The following TNKS variants were observed in gnomAD, a reference collection of about 807,000 sequenced individuals.
TNKS encodes the protein poly [ADP-ribose] polymerase tankyrase-1.
Under a neutral mutation model 135.8 loss-of-function variants are expected in TNKS, and 72 were observed. The observed-to-expected ratio is 0.53, with a 90% confidence interval of 0.44 to 0.64. TNKS has a LOEUF of 0.64. TNKS is among the 30% of genes least tolerant of loss of function. The pLI is 0.00. For missense variants in TNKS, 1,769 were observed against 1,674.0 expected (o/e 1.06, Z -0.99); for synonymous variants, 849 against 649.3 (o/e 1.31, Z -4.68).
At chr8:9,679,926 A>G in intron 3 of TNKS, 25 bp from the exon 4 acceptor site, 1 of 1,602,068 alleles carries the variant, frequency 6.2e-7, no homozygotes, top group African/African-American at 1.3e-5. Context: ...AAATGCTAAC[A>G]GCATGATATT....
At chr8:9,772,827 G>C (rs865945960) in intron 26 of TNKS, among the ~76,000 whole-genome samples, 121 of 70,680 alleles carry the variant, frequency 1.7e-3, no homozygotes, top group African/African-American at 4.5e-3. Flanking sequence ...GTGTGTGTGT[G>C]TGTCTGTGTG....
Position 9,748,694 on chromosome 8 carries a change from T to G in TNKS, c.2832+482T>G, listed in dbSNP as rs149132592. Among the ~76,000 whole-genome samples, 54 of 152,364 alleles carry G rather than the reference T, an allele frequency of 3.5e-4. No homozygotes were observed. In the East Asian group the frequency reaches 8.7e-3, roughly 24 times the overall value. Reference sequence around the variant, plus strand: ...GTTACTGTATAGTCACAGTAATTTCTAATTTTTAAGCCAGAAATGTTTTTT... The same window carrying G: ...GTTACTGTATAGTCACAGTAATTTCGAATTTTTAAGCCAGAAATGTTTTTT... On this transcript the variant is annotated intron_variant, in intron 18 of 26. Coordinates refer to ENST00000310430, the MANE Select transcript of TNKS (RefSeq NM_003747.3).
intron 6 of TNKS, among the ~76,000 whole-genome samples, 200 bp from the exon 7 acceptor site, chr8:9,705,987 A>G (rs1439527650): frequency 6.6e-6 from 1 of 152,090 alleles, no homozygotes; most frequent in Admixed American, 6.6e-5. Flanking sequence ...CATTATCTTC[A>G]AGGATTATAT....
intron 3 of TNKS, among the ~76,000 whole-genome samples, chr8:9,664,314 G>A (rs1164749102): frequency 6.6e-6 from 1 of 152,068 alleles, no homozygotes; most frequent in Admixed American, 6.5e-5. Flanking sequence ...GAGGTGCCAG[G>A]CTGTTTTTCA....
At chr8:9,720,341 T>G (rs1804813445) in intron 11 of TNKS, 33 bp from the exon 12 acceptor site, 4 of 1,535,208 alleles carry the variant, frequency 2.6e-6, no homozygotes, top group South Asian at 2.5e-5. Context: ...AACAAGATGC[T>G]CAATTCCATG....
intron 3 of TNKS, among the ~76,000 whole-genome samples, chr8:9,660,319 A>G (rs554737538): frequency 7.2e-5 from 11 of 152,218 alleles, no homozygotes; most frequent in African/African-American, 1.2e-4. Context: ...CTTGATGAAC[A>G]TCGATGCAAA....
intron 1 of TNKS, among the ~76,000 whole-genome samples, chr8:9,562,618 T>A (rs1487067942): frequency 6.6e-6 from 1 of 152,194 alleles, no homozygotes; most frequent in Non-Finnish European, 1.5e-5. Flanking sequence ...ATTCTGACAA[T>A]CTGTGTCTTT....
intron 1 of TNKS, among the ~76,000 whole-genome samples, chr8:9,561,582 C>T (rs1797332693): frequency 6.6e-6 from 1 of 152,124 alleles, no homozygotes; most frequent in Non-Finnish European, 1.5e-5. Flanking sequence ...GAATATGCTG[C>T]AGTTTGTGTA....
chr8:9,682,241 A>G (rs1027179376), intron 5 of TNKS, among the ~76,000 whole-genome samples: 2 of 152,118 alleles, frequency 1.3e-5, no homozygotes, highest in African/African-American at 4.8e-5. Context: ...CGCCCGGCCT[A>G]CGTCACTTTT....
intron 25 of TNKS, 135 bp downstream of exon 25, chr8:9,766,560 C>T (rs569949175): frequency 1.3e-5 from 9 of 718,592 alleles, no homozygotes; most frequent in Admixed American, 1.1e-4. Flanking sequence ...GATCCTGGCT[C>T]ACGCAACCTC....
Position 9,720,508 on chromosome 8 carries a change from A to C in TNKS, c.1884A>C (p.Ala628=). The C allele has an allele frequency of 6.2e-7, 1 of 1,614,110 alleles. No homozygotes were observed. Among genetic ancestry groups the C allele is most frequent in the South Asian group, 1.1e-5 (1 of 91,070 alleles). Reference sequence around the variant, plus strand: ...TCTCCTTACAAGGCTTCACAGCAGCACAGATGGGCAATGAAGCAGTGCAGC... The same window carrying C: ...TCTCCTTACAAGGCTTCACAGCAGCCCAGATGGGCAATGAAGCAGTGCAGC... ...SIISLQGFTA[A]QMGNEAVQQI... The change falls in exon 12 of 27, where the codon GCA becomes GCC. Residue 628 remains alanine (A), a synonymous_variant. Coordinates refer to ENST00000310430, the MANE Select transcript of TNKS (RefSeq NM_003747.3).
chr8:9,722,700 T>G (rs1804951655), intron 12 of TNKS, among the ~76,000 whole-genome samples: 1 of 152,228 alleles, frequency 6.6e-6, no homozygotes, highest in Non-Finnish European at 1.5e-5. Context: ...TGATTTTTGT[T>G]AAAATTTCTA....
chr8:9,621,953 A>G (rs193025361), intron 3 of TNKS, among the ~76,000 whole-genome samples: 10 of 152,340 alleles, frequency 6.6e-5, no homozygotes, highest in Admixed American at 3.9e-4. Context: ...AAAAGGCGTT[A>G]CTGCTGAAAC....
intron 5 of TNKS, among the ~76,000 whole-genome samples, chr8:9,687,739 A>C (rs1215665396): frequency 2.0e-5 from 3 of 152,186 alleles, no homozygotes; most frequent in African/African-American, 4.8e-5. Context: ...CAGAAGCACA[A>C]GTTTCCTGCT....
chr8:9,673,029 A>C (rs1457787853), intron 3 of TNKS, among the ~76,000 whole-genome samples: 1 of 152,190 alleles, frequency 6.6e-6, no homozygotes, highest in Non-Finnish European at 1.5e-5. Context: ...TTACCTTTTA[A>C]TATCCAATTT....
At chr8:9,722,307 G>A (rs936963143) in intron 12 of TNKS, 1 of 152,090 alleles carries the variant, frequency 6.6e-6, no homozygotes, top group Non-Finnish European at 1.5e-5. Flanking sequence ...TGTGTATATT[G>A]TTATAGGAAG....
At chr8:9,747,855 C>G (rs554549478) in intron 17 of TNKS, among the ~76,000 whole-genome samples, 169 bp from the exon 18 acceptor site, 3 of 151,962 alleles carry the variant, frequency 2.0e-5, no homozygotes, top group African/African-American at 7.2e-5. Context: ...AGATGGAGTC[C>G]AAAGTGTAAG....
intron 26 of TNKS, 82 bp from the exon 27 acceptor site, chr8:9,776,568 C>T: frequency 1.5e-6 from 2 of 1,315,674 alleles, no homozygotes; most frequent in Non-Finnish European, 2.2e-6. Flanking sequence ...CGATTAACAG[C>T]CTTTGAGGCT....
At chr8:9,571,605 C>T (rs1300158457) in intron 1 of TNKS, among the ~76,000 whole-genome samples, 1 of 152,060 alleles carries the variant, frequency 6.6e-6, no homozygotes, top group Admixed American at 6.5e-5. Context: ...CTACAGGTGC[C>T]CACCACCACG....
Sources: gnomAD v4.1 joint callset for allele counts (sites outside exome capture counted in the v4.1 genomes callset) on GRCh38, gnomAD v4.1.1 for gene constraint, MANE v1.5 for transcripts, NCBI Gene and HGNC (gene_info 2026-07-23, HGNC 2026-07-21) for gene names.